The following ERVFRD-1 variants were observed in gnomAD, a reference collection of about 807,000 sequenced individuals.
ERVFRD-1 encodes syncytin-2.
In ERVFRD-1, 33 loss-of-function variants were observed where a neutral mutation model predicts 43.8. The observed-to-expected ratio is 0.75, with a 90% CI of 0.57 to 1.01. The LOEUF (loss-of-function observed/expected upper bound fraction) is 1.01. ERVFRD-1 is among the 50% of genes least tolerant of loss of function. The pLI is 0.00. For synonymous variants in ERVFRD-1, 239 were observed against 244.4 expected (o/e 0.98, Z 0.21); for missense variants, 568 against 658.4 (o/e 0.86, Z 1.50).
chr6:11,111,473 T>C (rs1303132519), intron 1 of ERVFRD-1, among the ~76,000 whole-genome samples: 2 of 152,158 alleles, frequency 1.3e-5, no homozygotes, highest in African/African-American at 4.8e-5. Context: ...GTCTACTTAG[T>C]GCAGACTCCA....
intron 1 of ERVFRD-1, among the ~76,000 whole-genome samples, chr6:11,107,765 T>A (rs1266777128): frequency 6.6e-6 from 1 of 152,222 alleles, no homozygotes; most frequent in Non-Finnish European, 1.5e-5. Context: ...GTATTTTTCA[T>A]TGCTCTTTTT....
At chr6:11,111,176 A>G (rs1160391363) in intron 1 of ERVFRD-1, among the ~76,000 whole-genome samples, 2 of 152,206 alleles carry the variant, frequency 1.3e-5, no homozygotes, top group Non-Finnish European at 2.9e-5. Flanking sequence ...CTGCGGGTGC[A>G]TGAATAACAA....
At position 11,104,524 on chromosome 6, in the gene ERVFRD-1, C is replaced by G; in HGVS notation, c.787G>C (p.Ala263Pro). ...CVQVLAGMTI[A>P]TSYLGISAVS... Reference sequence around the variant, plus strand: ...GCTGATATGCCCAGGTAGCTGGTGGCTATAGTCATGCCTGCTAAGACTTGG... The same window carrying G: ...GCTGATATGCCCAGGTAGCTGGTGGGTATAGTCATGCCTGCTAAGACTTGG... Residue 263 changes from alanine (A) to proline (P), a missense_variant, in exon 2 of 2, where the codon GCC (alanine) becomes CCC (proline). Ala to Pro is a conservative substitution (Grantham distance 27). Transcript: ENST00000472091. 1.9e-6 allele frequency: 3 copies of G among 1,570,722 alleles called. No individual in the cohort carries two copies. Among genetic ancestry groups the G allele is most frequent in the Non-Finnish European group, 2.6e-6 (3 of 1,157,116 alleles).
At position 11,104,893 on chromosome 6, in the gene ERVFRD-1, G is replaced by T. The variant is rs1356005267; in HGVS notation, c.418C>A (p.Leu140Ile). ...GTAACATTACAGACTGTACTTGGAA[G>T]AGTGCCTACATTTGTTCCATTTTTC... ...KRKNGTNVGT[L>I]PSTVCNVTFT... The change falls in exon 2 of 2, where the codon CTT becomes ATT. Residue 140 changes from leucine to isoleucine, a missense_variant. Coordinates refer to ENST00000472091, the MANE Select transcript of ERVFRD-1 (RefSeq NM_207582.3). 1.2e-6 allele frequency: 2 copies of T among 1,614,220 alleles called. No individual in the cohort carries two copies. The highest frequency in any genetic ancestry group is 4.5e-5 in the East Asian group (2 of 44,888).
rs367803321 is a variant in ERVFRD-1, at chr6:11,103,661, G to A, written c.*33C>T. ...GACGGGGCAGGATTTCGCCTCTGTC[G>A]TGTTCCACTAGCGAGCAGTCTAGGG... On this transcript the variant is annotated 3_prime_UTR_variant, in exon 2 of 2. Coordinates refer to ENST00000472091, the MANE Select transcript of ERVFRD-1 (RefSeq NM_207582.3). 2.0e-5 allele frequency: 30 copies of A among 1,512,724 alleles called. No homozygotes were observed. The highest frequency in any genetic ancestry group is 2.8e-5 in the African/African-American group (2 of 71,552). 93.7% of individuals were successfully genotyped at this position (1,512,724 alleles called of 1,614,324 possible).
In ERVFRD-1 at chr6:11,104,319, C is replaced by T. The variant is rs1310494009; in HGVS notation, c.992G>A (p.Gly331Asp). 3 of 1,551,590 alleles carry T rather than the reference C, an allele frequency of 1.9e-6. No homozygotes were observed. The highest frequency in any genetic ancestry group is 2.6e-6 in the Non-Finnish European group (3 of 1,146,998). ...YVTPDIFIAP[G>D]NLSLPIPIYG... is the part of the protein sequence containing the mutation. Reference sequence around the variant, plus strand: ...GATTGGTATTGGAAGAGAGAGATTGCCAGGGGCTATGAAGATGTCTGGGGT... The same window carrying T: ...GATTGGTATTGGAAGAGAGAGATTGTCAGGGGCTATGAAGATGTCTGGGGT... Residue 331 changes from glycine to aspartate, a missense_variant, in exon 2 of 2, where the codon GGC (glycine) becomes GAC (aspartate). Physicochemically the swap from Gly to Asp is moderately conservative, Grantham distance 94. Coordinates refer to ENST00000472091, the MANE Select transcript of ERVFRD-1 (RefSeq NM_207582.3).
rs138486916 is a variant in ERVFRD-1, at chr6:11,103,638, C to T, written c.*56G>A. The T allele has an allele frequency of 1.6e-4, 240 of 1,482,610 alleles. 1 individual carries two copies. The East Asian group carries it at 4.1e-3, about 25-fold the overall frequency. 91.8% of individuals were successfully genotyped at this position (1,482,610 alleles called of 1,614,324 possible). A position where few individuals can be genotyped will look rare whatever the true frequency, so the allele number is the denominator to read the frequency against. ...CATATCCAGCCAGGTCCACGGGAGA[C>T]GGGGCAGGATTTCGCCTCTGTCGTG... is the stretch of plus-strand genomic sequence containing the variant. On this transcript the variant is annotated 3_prime_UTR_variant, in exon 2 of 2. Coordinates refer to ENST00000472091, the MANE Select transcript of ERVFRD-1 (RefSeq NM_207582.3).
chr6:11,111,448 C>T (rs1031414068), intron 1 of ERVFRD-1, among the ~76,000 whole-genome samples: 3 of 152,132 alleles, frequency 2.0e-5, no homozygotes, highest in Non-Finnish European at 4.4e-5. Flanking sequence ...TCTGGGGGGG[C>T]CATTAGTGTC....
In ERVFRD-1 at chr6:11,105,644, T is replaced by C. The variant is rs2113645102; in HGVS notation, c.-320-14A>G. 1 of 227,516 alleles carries C rather than the reference T, an allele frequency of 4.4e-6. No homozygotes were observed. The highest frequency in any genetic ancestry group is 1.0e-4 in the East Asian group (1 of 9,582). The allele number at this position is 227,516 out of a possible 1,614,324, so 14.1% of individuals were successfully genotyped here. On this transcript the variant is annotated splice_polypyrimidine_tract_variant and intron_variant, in intron 1 of 1. Transcript: ENST00000472091. ...GTACTGTAATGGCTGTAGGGGTAGATAATAGAATGGTGAAGGGGCCCTTTC... is the reference window on the plus strand; with the variant it reads ...GTACTGTAATGGCTGTAGGGGTAGACAATAGAATGGTGAAGGGGCCCTTTC...
Position 11,104,058 on chromosome 6 carries a change from C to T in ERVFRD-1, c.1253G>A (p.Arg418Gln), listed in dbSNP as rs780486237. 21 of 1,551,562 alleles carry T rather than the reference C, an allele frequency of 1.4e-5. No homozygotes were observed. The highest frequency in any genetic ancestry group is 9.8e-5 in the East Asian group (4 of 40,936). The stretch of plus-strand genomic sequence containing the variant: ...TGCTGCCGTTAACATGTCTAGTCCT[C>T]GACGATTTTGAAGGACTACGGCTGC... ...SLAAVVLQNRRGLDMLTAAQG... is the reference protein window; with the variant it reads ...SLAAVVLQNRQGLDMLTAAQG... Residue 418 changes from arginine to glutamine, a missense_variant, in exon 2 of 2, where the codon CGA becomes CAA. By Grantham distance (43) the Arg-to-Gln change is conservative (BLOSUM62 1). Coordinates refer to ENST00000472091, the MANE Select transcript of ERVFRD-1 (RefSeq NM_207582.3).
rs766821694 is a variant in ERVFRD-1, at chr6:11,105,123, C to A, written c.188G>T (p.Arg63Ile). ...TPGTAYPASP[R>I]EWTSIEAELH... is the part of the protein sequence containing the mutation. The stretch of plus-strand genomic sequence containing the variant: ...TTCCGCCTCTATGCTTGTCCATTCT[C>A]TGGGCGAGGCTGGATAAGCTGTCCC... The change falls in exon 2 of 2, where the codon AGA (arginine) becomes ATA (isoleucine). Residue 63 changes from arginine (R) to isoleucine (I), a missense_variant. Arg to Ile is a moderately conservative substitution (Grantham distance 97). Coordinates refer to ENST00000472091, the MANE Select transcript of ERVFRD-1 (RefSeq NM_207582.3). 9 of 1,614,080 alleles carry A rather than the reference C, an allele frequency of 5.6e-6. No individual in the cohort carries two copies. The East Asian group carries it at 2.0e-4, about 36-fold the overall frequency.
intron 1 of ERVFRD-1, among the ~76,000 whole-genome samples, chr6:11,108,080 G>A (rs1311350050): frequency 6.6e-6 from 1 of 152,166 alleles, no homozygotes. Context: ...AAGGTTAACT[G>A]AGCCCCTAGT....
rs769911187 is a variant in ERVFRD-1, at chr6:11,104,966, A to G, written c.345T>C (p.Thr115=). 1.9e-6 allele frequency: 3 copies of G among 1,614,228 alleles called. No homozygotes were observed. In the South Asian group the frequency reaches 3.3e-5, roughly 18 times the overall value. ...GGGCTATTCCCATTAGGTTGATATTAGTAAAGATGGGTCCGAAAATGGGAG... is the reference window on the plus strand; with the variant it reads ...GGGCTATTCCCATTAGGTTGATATTGGTAAAGATGGGTCCGAAAATGGGAG... ...QKPPIFGPIF[T]NINLMGIAPI... The change falls in exon 2 of 2, where the codon ACT becomes ACC. Residue 115 remains threonine (T), a synonymous_variant. Transcript: ENST00000472091.
At chr6:11,108,100 A>G (rs1368807846) in intron 1 of ERVFRD-1, among the ~76,000 whole-genome samples, 1 of 152,194 alleles carries the variant, frequency 6.6e-6, no homozygotes, top group Non-Finnish European at 1.5e-5. Flanking sequence ...TCTGAGCAAA[A>G]TATCTCTACC....
Position 11,104,522 on chromosome 6 carries a change from G to A in ERVFRD-1, c.789C>T (p.Ala263=). The A allele has an allele frequency of 6.4e-7, 1 of 1,569,332 alleles. No homozygotes were observed. The highest frequency in any genetic ancestry group is 8.6e-7 in the Non-Finnish European group (1 of 1,156,364). The change falls in exon 2 of 2, where the codon GCC becomes GCT. Residue 263 remains alanine, a synonymous_variant. Coordinates refer to ENST00000472091, the MANE Select transcript of ERVFRD-1 (RefSeq NM_207582.3). ...CVQVLAGMTI[A]TSYLGISAVS... ...CTGCTGATATGCCCAGGTAGCTGGT[G>A]GCTATAGTCATGCCTGCTAAGACTT...
In ERVFRD-1 at chr6:11,104,119, C is replaced by T; in HGVS notation, c.1192G>A (p.Ala398Thr). 1 of 1,551,692 alleles carries T rather than the reference C, an allele frequency of 6.4e-7. No individual in the cohort carries two copies. Among genetic ancestry groups the T allele is most frequent in the African/African-American group, 1.4e-5 (1 of 73,162 alleles). ...ATTTGTTCTTGCATGGTCGTTAAGG[C>T]TTTAGCCATGGTGTCAATGTTGTTG... The part of the protein sequence containing the change: ...IANNIDTMAK[A>T]LTTMQEQIDS... Residue 398 changes from alanine (A) to threonine (T), a missense_variant, in exon 2 of 2, where the codon GCC becomes ACC. By Grantham distance (58) the Ala-to-Thr change is moderately conservative (BLOSUM62 0). Transcript: ENST00000472091.
In ERVFRD-1 at chr6:11,105,409, C is replaced by A. The variant is rs561663425; in HGVS notation, c.-99G>T. On this transcript the variant is annotated 5_prime_UTR_variant, in exon 2 of 2. Transcript: ENST00000472091. ...ATAGTGATAACAATCAGAGCAATTGCCAGTAAAATTTCTAGTATTGGGATC... is the reference window on the plus strand; with the variant it reads ...ATAGTGATAACAATCAGAGCAATTGACAGTAAAATTTCTAGTATTGGGATC... The A allele has an allele frequency of 2.3e-6, 2 of 874,908 alleles. No homozygotes were observed. Among genetic ancestry groups the A allele is most frequent in the Admixed American group, 2.9e-5 (1 of 34,920 alleles). 54.2% of individuals were successfully genotyped at this position (874,908 alleles called of 1,614,324 possible). A position where few individuals can be genotyped will look rare whatever the true frequency, so the allele number is the denominator to read the frequency against.
chr6:11,110,236 A>G (rs549501450), intron 1 of ERVFRD-1, among the ~76,000 whole-genome samples: 1 of 152,106 alleles, frequency 6.6e-6, no homozygotes, highest in East Asian at 1.9e-4. Context: ...ATCCCATCCC[A>G]TTTCTGGACC....
At position 11,103,505 on chromosome 6, in the gene ERVFRD-1, G is replaced by A; in HGVS notation, c.*189C>T. On this transcript the variant is annotated 3_prime_UTR_variant, in exon 2 of 2. Coordinates refer to ENST00000472091, the MANE Select transcript of ERVFRD-1 (RefSeq NM_207582.3). ...TATCTGGGAAAATGGACGAAGGTCA[G>A]TCTTCTTTAACTGCTTCCTGCTGAC... 2 of 818,932 alleles carry A rather than the reference G, an allele frequency of 2.4e-6. No homozygotes were observed. Among genetic ancestry groups the A allele is most frequent in the Non-Finnish European group, 3.5e-6 (2 of 563,566 alleles). 50.7% of individuals were successfully genotyped at this position (818,932 alleles called of 1,614,324 possible). A position where few individuals can be genotyped will look rare whatever the true frequency, so the allele number is the denominator to read the frequency against.
Sources: gnomAD v4.1 joint callset for allele counts (sites outside exome capture counted in the v4.1 genomes callset) on GRCh38, gnomAD v4.1.1 for gene constraint, MANE v1.5 for transcripts, NCBI Gene and HGNC (gene_info 2026-07-23, HGNC 2026-07-21) for gene names.